The following PTPRN2 variants were observed in gnomAD, a reference collection of about 807,000 sequenced individuals.
PTPRN2 encodes the protein protein tyrosine phosphatase receptor type N2, also known as receptor-type tyrosine-protein phosphatase N2.
In PTPRN2, 74 loss-of-function variants were observed where a neutral mutation model predicts 118.8. The ratio of observed to expected loss-of-function variants is 0.62; its 90% confidence interval spans 0.52 to 0.76. PTPRN2 has a LOEUF of 0.76. PTPRN2 is among the 30% of genes least tolerant of loss of function. PTPRN2 has a pLI of 0.00. For missense variants in PTPRN2, 1,481 were observed against 1,394.4 expected (o/e 1.06, Z -0.99); for synonymous variants, 641 against 608.0 (o/e 1.05, Z -0.80).
chr7:158,177,723 C>T (rs1448637704), intron 5 of PTPRN2, among the ~76,000 whole-genome samples: 3 of 152,204 alleles, frequency 2.0e-5, no homozygotes, highest in Non-Finnish European at 4.4e-5. Context: ...CAGTTTATTA[C>T]TGAGTAGCAT....
At chr7:157,812,553 C>T (rs953269035) in intron 12 of PTPRN2, among the ~76,000 whole-genome samples, 28 of 152,256 alleles carry the variant, frequency 1.8e-4, no homozygotes, top group Admixed American at 9.8e-4. Context: ...TGGAGTTTTT[C>T]TTAATGGTGA....
chr7:157,970,904 C>T (rs1380058585), intron 11 of PTPRN2, among the ~76,000 whole-genome samples: 1 of 152,206 alleles, frequency 6.6e-6, no homozygotes, highest in African/African-American at 2.4e-5. Context: ...CTTGTCCCTG[C>T]ACGCACGAGG....
intron 21 of PTPRN2, 80 bp downstream of exon 21, chr7:157,568,822 G>C: frequency 6.9e-7 from 1 of 1,441,798 alleles, no homozygotes; most frequent in Non-Finnish European, 9.7e-7. Flanking sequence ...AGGGCCTCCC[G>C]TGAACACGGC....
intron 1 of PTPRN2, among the ~76,000 whole-genome samples, chr7:158,502,779 A>G (rs1381845382): frequency 6.6e-6 from 1 of 151,874 alleles, no homozygotes; most frequent in African/African-American, 2.4e-5. Flanking sequence ...GTGTCCATCA[A>G]CTACTGTGTC....
intron 12 of PTPRN2, among the ~76,000 whole-genome samples, chr7:157,826,996 G>A (rs962723443): frequency 1.3e-5 from 2 of 152,058 alleles, no homozygotes; most frequent in South Asian, 2.1e-4. Flanking sequence ...CTGCATCTCC[G>A]ACCGTGTCCC....
chr7:158,354,971 A>G (rs767757439), intron 2 of PTPRN2, among the ~76,000 whole-genome samples: 13 of 152,158 alleles, frequency 8.5e-5, no homozygotes, highest in Non-Finnish European at 1.8e-4. Flanking sequence ...AGACATCTCA[A>G]TGGAAAACAT....
intron 2 of PTPRN2, among the ~76,000 whole-genome samples, chr7:158,321,603 C>A (rs1803021205): frequency 6.6e-6 from 1 of 152,198 alleles, no homozygotes; most frequent in Non-Finnish European, 1.5e-5. Flanking sequence ...AACCAGGGTC[C>A]TGCTCTTCGT....
chr7:158,250,896 G>T (rs183225562), intron 3 of PTPRN2, among the ~76,000 whole-genome samples: 1 of 152,010 alleles, frequency 6.6e-6, no homozygotes, highest in Non-Finnish European at 1.5e-5. Flanking sequence ...TTAACAATTC[G>T]CTTATTCTTA....
At chr7:157,805,964 G>A (rs1023914928) in intron 12 of PTPRN2, among the ~76,000 whole-genome samples, 18 of 152,304 alleles carry the variant, frequency 1.2e-4, no homozygotes, top group Admixed American at 5.2e-4. Context: ...GCTGGGTGAC[G>A]GCCCAGGTGG....
chr7:157,596,706 C>T lies in PTPRN2; in HGVS notation c.2419-1391G>A, dbSNP rs868103773. Among the ~76,000 whole-genome samples, 5 of 152,292 alleles carry T rather than the reference C, an allele frequency of 3.3e-5. No homozygotes were observed. The highest frequency in any genetic ancestry group is 1.9e-4 in the East Asian group (1 of 5,180). The stretch of plus-strand genomic sequence containing the variant: ...CTGCAGAGACCGACCCCCGGAGAGC[C>T]GGATGCTGCGCTGGGGGAACCTCAC... On this transcript the variant is annotated intron_variant, in intron 16 of 22. Transcript: ENST00000389418. The surrounding 1 kb of genome is among the most constrained non-coding windows in gnomAD (Gnocchi z 4.2).
intron 12 of PTPRN2, among the ~76,000 whole-genome samples, chr7:157,775,616 G>A (rs80337851): frequency 0.011 from 1,702 of 152,288 alleles, 42 homozygotes; most frequent in African/African-American, 0.039. Context: ...GCAGGGAGTC[G>A]CCCAGGACAG....
intron 3 of PTPRN2, among the ~76,000 whole-genome samples, chr7:158,288,815 C>T (rs1024638400): frequency 2.0e-5 from 3 of 152,122 alleles, no homozygotes; most frequent in African/African-American, 7.2e-5. Context: ...GCATTCTTTT[C>T]TTTCAGCTTG....
At chr7:158,313,966 T>C (rs1428822571) in intron 3 of PTPRN2, among the ~76,000 whole-genome samples, 1 of 152,136 alleles carries the variant, frequency 6.6e-6, no homozygotes, top group Non-Finnish European at 1.5e-5. Flanking sequence ...GAGAGTCTTG[T>C]GCATTCTCTG....
chr7:157,548,298 T>G (rs1045182633), intron 22 of PTPRN2, among the ~76,000 whole-genome samples: 3 of 152,004 alleles, frequency 2.0e-5, no homozygotes, highest in African/African-American at 7.3e-5. Flanking sequence ...ACAAAGAACT[T>G]TCACAAAATC....
chr7:158,506,145 G>A (rs923136928), intron 1 of PTPRN2, among the ~76,000 whole-genome samples: 10 of 152,192 alleles, frequency 6.6e-5, no homozygotes, highest in Admixed American at 5.2e-4. Flanking sequence ...AGTTCTGTGG[G>A]GAAGCACAGA....
intron 2 of PTPRN2, among the ~76,000 whole-genome samples, chr7:158,415,455 C>G (rs925016982): frequency 6.6e-6 from 1 of 152,140 alleles, no homozygotes; most frequent in African/African-American, 2.4e-5. Context: ...CACCTGGGAC[C>G]CTGAAAATGC....
At chr7:157,979,463 G>A (rs920725697) in intron 11 of PTPRN2, among the ~76,000 whole-genome samples, 6 of 152,234 alleles carry the variant, frequency 3.9e-5, no homozygotes, top group Admixed American at 1.3e-4. Context: ...GCAACTGCAC[G>A]TTGCTGAGTG....
At chr7:158,474,971 G>A (rs1733127) in intron 2 of PTPRN2, among the ~76,000 whole-genome samples, 105,541 of 152,062 alleles carry the variant, frequency 0.69, 36,876 homozygotes, top group Admixed American at 0.78. Flanking sequence ...GCCTCCTGGT[G>A]CCCCACGGAG....
intron 11 of PTPRN2, among the ~76,000 whole-genome samples, chr7:158,051,993 T>C (rs1158813362): frequency 6.6e-6 from 1 of 152,182 alleles, no homozygotes; most frequent in Non-Finnish European, 1.5e-5. Flanking sequence ...CATTTGTCTC[T>C]CTTTGTCTCT....
Sources: allele counts gnomAD v4.1 joint callset (sites outside exome capture counted in the v4.1 genomes callset), GRCh38; gene constraint gnomAD v4.1.1; non-coding constraint Gnocchi (gnomAD v3.1); transcripts MANE v1.5; gene names NCBI Gene and HGNC (gene_info 2026-07-23, HGNC 2026-07-21).